KBTBD12: variants seen among roughly 807,000 people sequenced by gnomAD.
KBTBD12 encodes kelch repeat and BTB domain containing 12, also known as kelch repeat and BTB domain-containing protein 12.
In KBTBD12, 53 loss-of-function variants were observed where a neutral mutation model predicts 58.7. The observed-to-expected ratio is 0.90, with a 90% CI of 0.72 to 1.14. KBTBD12 has a LOEUF of 1.14. Ranked by LOEUF, KBTBD12 falls within the 50% of genes most tolerant of loss-of-function variation. KBTBD12 has a pLI of 0.00. For missense variants in KBTBD12, 704 were observed against 751.3 expected (o/e 0.94, Z 0.74); for synonymous variants, 236 against 259.8 (o/e 0.91, Z 0.88).
intron 5 of KBTBD12, among the ~76,000 whole-genome samples, chr3:127,983,787 T>C (rs1940917598): frequency 6.6e-6 from 1 of 151,954 alleles, no homozygotes; most frequent in African/African-American, 2.4e-5. Flanking sequence ...GATTTCTCTC[T>C]TTTACTCCTT....
intron 5 of KBTBD12, among the ~76,000 whole-genome samples, chr3:127,971,759 A>T (rs1940686396): frequency 6.6e-6 from 1 of 152,160 alleles, no homozygotes; most frequent in South Asian, 2.1e-4. Context: ...GTCCAGGCTA[A>T]GTCCCTTCTG....
intron 5 of KBTBD12, among the ~76,000 whole-genome samples, chr3:127,968,075 T>C (rs547015510): frequency 1.3e-5 from 2 of 152,346 alleles, no homozygotes; most frequent in South Asian, 2.1e-4. Context: ...CTCTTCACAT[T>C]GCCCCGTGAG....
intron 5 of KBTBD12, among the ~76,000 whole-genome samples, chr3:127,973,789 A>G (rs1156655000): frequency 6.6e-6 from 1 of 152,214 alleles, no homozygotes; most frequent in Non-Finnish European, 1.5e-5. Context: ...AAAATAAAAA[A>G]CTGATAAAAG....
chr3:127,949,977 G>C (rs1417453913), intron 4 of KBTBD12, among the ~76,000 whole-genome samples: 1 of 152,110 alleles, frequency 6.6e-6, no homozygotes, highest in East Asian at 1.9e-4. Context: ...TTATGACTTG[G>C]ATGAAGGGTA....
Position 127,984,231 on chromosome 3 carries a change from C to G in KBTBD12, c.1825C>G (p.Leu609Val). The G allele has an allele frequency of 6.2e-7, 1 of 1,613,958 alleles. No individual in the cohort carries two copies. The highest frequency in any genetic ancestry group is 1.7e-5 in the Admixed American group (1 of 60,020). ...CLVARMNPRD[L>V]IPPPSDLVEE... Reference sequence around the variant, plus strand: ...AGTAGCCAGGATGAATCCCCGAGACCTCATCCCCCCGCCTTCAGATTTGGT... The same window carrying G: ...AGTAGCCAGGATGAATCCCCGAGACGTCATCCCCCCGCCTTCAGATTTGGT... The change falls in exon 6 of 6, where the codon CTC becomes GTC. Residue 609 changes from leucine to valine, a missense_variant. Physicochemically the swap from Leu to Val is conservative, Grantham distance 32. Coordinates refer to ENST00000405109, the MANE Select transcript of KBTBD12 (RefSeq NM_207335.4).
At chr3:127,919,751 G>T (rs980747499) in intron 1 of KBTBD12, among the ~76,000 whole-genome samples, 1 of 151,866 alleles carries the variant, frequency 6.6e-6, no homozygotes, top group Non-Finnish European at 1.5e-5. Flanking sequence ...ACATTAAAAA[G>T]AAAATTCATG....
intron 5 of KBTBD12, among the ~76,000 whole-genome samples, chr3:127,983,474 A>G (rs1437749972): frequency 6.6e-6 from 1 of 152,030 alleles, no homozygotes; most frequent in East Asian, 1.9e-4. Context: ...TAGTCTGGCA[A>G]CCGGGCGTGG....
At chr3:127,933,707 C>T (rs1939762927) in intron 4 of KBTBD12, among the ~76,000 whole-genome samples, 1 of 152,148 alleles carries the variant, frequency 6.6e-6, no homozygotes, top group South Asian at 2.1e-4. Context: ...TACTCCCATG[C>T]AGATCCACCA....
At chr3:127,956,553 T>C (rs1236843138) in intron 4 of KBTBD12, among the ~76,000 whole-genome samples, 1 of 152,208 alleles carries the variant, frequency 6.6e-6, no homozygotes, top group Non-Finnish European at 1.5e-5. Flanking sequence ...ATTGCTTAAA[T>C]TAACTACAAG....
intron 5 of KBTBD12, among the ~76,000 whole-genome samples, chr3:127,982,615 C>G (rs1940892034): frequency 6.6e-6 from 1 of 152,208 alleles, no homozygotes; most frequent in South Asian, 2.1e-4. Flanking sequence ...TTTCCTGAGC[C>G]TCTCCCTTGC....
Position 127,930,215 on chromosome 3 carries a change from G to C in KBTBD12, c.1424G>C (p.Arg475Pro), listed in dbSNP as rs183002701. 6.2e-7 allele frequency: 1 copy of C among 1,609,308 alleles called. No homozygotes were observed. The highest frequency in any genetic ancestry group is 8.5e-7 in the Non-Finnish European group (1 of 1,177,630). ...YDPSQDQWSV[R>P]APMKYSKYRF... Reference sequence around the variant, plus strand: ...CCCAGCCAAGATCAATGGAGTGTGCGGGCACCCATGAAGTACTCTAAGTAC... The same window carrying C: ...CCCAGCCAAGATCAATGGAGTGTGCCGGCACCCATGAAGTACTCTAAGTAC... The change falls in exon 4 of 6, where the codon CGG (arginine) becomes CCG (proline). Residue 475 changes from arginine (R) to proline (P), a missense_variant. Arg to Pro is a moderately radical substitution (Grantham distance 103). Transcript: ENST00000405109.
At chr3:127,927,233 G>A (rs1490650679) in intron 2 of KBTBD12, among the ~76,000 whole-genome samples, 2 of 152,100 alleles carry the variant, frequency 1.3e-5, no homozygotes, top group African/African-American at 4.8e-5. Context: ...TGACCCAGTT[G>A]TAAGCCAGTT....
intron 4 of KBTBD12, among the ~76,000 whole-genome samples, chr3:127,960,213 A>AAAAT (rs1940407828): frequency 6.6e-6 from 1 of 152,046 alleles, no homozygotes; most frequent in Admixed American, 6.5e-5. Flanking sequence ...GGAGAGGTTC[A>AAAAT]CTCCTGCACC....
intron 1 of KBTBD12, among the ~76,000 whole-genome samples, chr3:127,917,811 G>A (rs943965108): frequency 2.6e-5 from 4 of 152,158 alleles, no homozygotes; most frequent in Admixed American, 2.6e-4. Context: ...ACAAAACCTA[G>A]AGAAAAGTTA....
At chr3:127,920,807 A>G (rs1279439026) in intron 1 of KBTBD12, among the ~76,000 whole-genome samples, 1 of 152,010 alleles carries the variant, frequency 6.6e-6, no homozygotes. Context: ...TGTGATTTAT[A>G]TGCATCTTTG....
intron 1 of KBTBD12, among the ~76,000 whole-genome samples, chr3:127,916,101 G>A (rs938587900): frequency 6.6e-6 from 1 of 152,194 alleles, no homozygotes; most frequent in Non-Finnish European, 1.5e-5. Flanking sequence ...GAGCTATAAT[G>A]CGGATTAAAG....
chr3:127,966,962 T>C (rs900386169), intron 5 of KBTBD12, among the ~76,000 whole-genome samples: 2 of 152,244 alleles, frequency 1.3e-5, no homozygotes, highest in African/African-American at 4.8e-5. Context: ...TAAATTTCTA[T>C]GGGAAAATTA....
chr3:127,961,932 T>C (rs1278910753), intron 4 of KBTBD12, among the ~76,000 whole-genome samples: 2 of 152,206 alleles, frequency 1.3e-5, no homozygotes, highest in African/African-American at 4.8e-5. Context: ...GTGATACATA[T>C]AGTAAAAGCC....
chr3:127,928,769 C>G (rs1009930166), intron 3 of KBTBD12, among the ~76,000 whole-genome samples: 5 of 152,254 alleles, frequency 3.3e-5, no homozygotes, highest in Non-Finnish European at 7.3e-5. Flanking sequence ...ATCCTCATGG[C>G]ATAAAGTAAA....
Sources: allele counts gnomAD v4.1 joint callset (sites outside exome capture counted in the v4.1 genomes callset), GRCh38; gene constraint gnomAD v4.1.1; transcripts MANE v1.5; gene names NCBI Gene and HGNC (gene_info 2026-07-23, HGNC 2026-07-21).